Variants in PTPRT observed in about 807,000 individuals in gnomAD.
PTPRT encodes the protein protein tyrosine phosphatase receptor type T, also known as receptor-type tyrosine-protein phosphatase T.
PTPRT carries 56 observed loss-of-function variants against 176.8 expected under a neutral mutation model. The observed-to-expected ratio is 0.32, with a 90% confidence interval of 0.26 to 0.40. The LOEUF (loss-of-function observed/expected upper bound fraction) is 0.40, where lower values mean the gene tolerates loss of function less well. Ranked by LOEUF, PTPRT falls within the 10% of genes least tolerant of loss-of-function variation. The pLI is 1.00. For synonymous variants in PTPRT, 783 were observed against 739.0 expected (o/e 1.06, Z -0.96); for missense variants, 1,540 against 1,908.2 (o/e 0.81, Z 3.60).
At chr20:42,681,136 C>A (rs571983309) in intron 6 of PTPRT, among the ~76,000 whole-genome samples, 1 of 152,292 alleles carries the variant, frequency 6.6e-6, no homozygotes, top group East Asian at 1.9e-4. Context: ...TTTTGGTAAG[C>A]AGCACATTAT....
chr20:42,804,671 G>A (rs995376436), intron 2 of PTPRT, among the ~76,000 whole-genome samples: 1 of 152,240 alleles, frequency 6.6e-6, no homozygotes, highest in Non-Finnish European at 1.5e-5. Context: ...CAAGGTGTCA[G>A]CAGGGTTGGT....
intron 1 of PTPRT, among the ~76,000 whole-genome samples, chr20:42,961,196 A>G (rs1217378054): frequency 6.6e-6 from 1 of 152,236 alleles, no homozygotes; most frequent in East Asian, 1.9e-4. Flanking sequence ...GAAGATTTTA[A>G]TGCTGTAAGG....
At chr20:42,361,363 A>T (rs1004107412) in intron 9 of PTPRT, among the ~76,000 whole-genome samples, 1 of 152,184 alleles carries the variant, frequency 6.6e-6, no homozygotes, top group African/African-American at 2.4e-5. Context: ...AAAATAGCCC[A>T]TATCCTTTGA....
chr20:43,150,212 T>C (rs993409298), intron 1 of PTPRT, among the ~76,000 whole-genome samples: 2 of 152,172 alleles, frequency 1.3e-5, no homozygotes, highest in African/African-American at 4.8e-5. Context: ...GCTCCCTAGG[T>C]AGCCACACTC....
chr20:42,769,729 T>A (rs2077035326), intron 5 of PTPRT, among the ~76,000 whole-genome samples: 1 of 152,194 alleles, frequency 6.6e-6, no homozygotes, highest in African/African-American at 2.4e-5. Context: ...ACCCAACAGG[T>A]ATCCATCAAC....
At chr20:42,373,243 C>A (rs144260410) in intron 9 of PTPRT, among the ~76,000 whole-genome samples, 2 of 152,162 alleles carry the variant, frequency 1.3e-5, no homozygotes, top group South Asian at 4.1e-4. Flanking sequence ...GGTCATGGAA[C>A]TAATGGTATG....
chr20:42,681,222 T>C (rs574427727), intron 6 of PTPRT, among the ~76,000 whole-genome samples: 6 of 152,252 alleles, frequency 3.9e-5, no homozygotes, highest in Non-Finnish European at 5.9e-5. Context: ...AAGAAGACAG[T>C]ATAGGAAATG....
chr20:43,142,597 A>G lies in PTPRT; in HGVS notation c.88+47049T>C, dbSNP rs1162143418. Among the ~76,000 whole-genome samples the G allele has an allele frequency of 2.9e-5, 4 of 137,080 alleles. No individual in the cohort carries two copies. The Admixed American group carries it at 2.9e-4, about 10-fold the overall frequency. 89.9% of individuals were successfully genotyped at this position (137,080 alleles called of 152,430 possible). On this transcript the variant is annotated intron_variant, in intron 1 of 30. Transcript: ENST00000373187. ...AGGAAAAAACCATCCCCCATCACATATATTTCAAGGTAAATAACAAGAGCT... is the reference window on the plus strand; with the variant it reads ...AGGAAAAAACCATCCCCCATCACATGTATTTCAAGGTAAATAACAAGAGCT...
Position 42,226,358 on chromosome 20 carries a change from G to T in PTPRT, c.2342+9871C>A, listed in dbSNP as rs182106520. Among the ~76,000 whole-genome samples the T allele has an allele frequency of 3.5e-3, 528 of 152,302 alleles. 4 individuals are homozygous for T. Among genetic ancestry groups the T allele is most frequent in the Non-Finnish European group, 4.8e-3 (324 of 68,030 alleles). On this transcript the variant is annotated intron_variant, in intron 15 of 30. Transcript: ENST00000373187. Reference sequence around the variant, plus strand: ...AATTAAGTGAGTTATCTAAAACTGTGGAGCCAGGAAGCTCAGGGCTTTTTC... The same window carrying T: ...AATTAAGTGAGTTATCTAAAACTGTTGAGCCAGGAAGCTCAGGGCTTTTTC...
chr20:42,471,458 C>T (rs967011352), intron 8 of PTPRT, among the ~76,000 whole-genome samples: 1 of 152,142 alleles, frequency 6.6e-6, no homozygotes, highest in African/African-American at 2.4e-5. Context: ...ATCTTTTGCG[C>T]CTGCTTTGGC....
intron 2 of PTPRT, among the ~76,000 whole-genome samples, chr20:42,831,858 AT>A (rs2078094843): frequency 6.6e-6 from 1 of 152,268 alleles, no homozygotes; most frequent in Non-Finnish European, 1.5e-5. Context: ...AATGGCTATT[AT>A]TAAAAGTCAA....
intron 1 of PTPRT, among the ~76,000 whole-genome samples, chr20:43,135,477 T>C (rs2013801745): frequency 6.6e-6 from 1 of 152,192 alleles, no homozygotes; most frequent in Admixed American, 6.5e-5. Context: ...AGTCAAAATA[T>C]TCACATTGAT....
At chr20:42,827,095 T>G (rs549006060) in intron 2 of PTPRT, among the ~76,000 whole-genome samples, 141 of 152,170 alleles carry the variant, frequency 9.3e-4, no homozygotes, top group Admixed American at 3.3e-3. Context: ...GATTTCAAGT[T>G]CCACACAATA....
intron 7 of PTPRT, among the ~76,000 whole-genome samples, chr20:42,479,312 T>C (rs2071341862): frequency 6.6e-6 from 1 of 152,246 alleles, no homozygotes; most frequent in Non-Finnish European, 1.5e-5. Flanking sequence ...TGGAGGTGGA[T>C]AGCTTGTATG....
At chr20:42,292,958 C>A (rs999247795) in intron 12 of PTPRT, among the ~76,000 whole-genome samples, 10 of 152,294 alleles carry the variant, frequency 6.6e-5, no homozygotes, top group African/African-American at 2.4e-4. Flanking sequence ...ATTCTGCAGA[C>A]CCTCAGTAAC....
chr20:42,989,176 G>C (rs1052224271), intron 1 of PTPRT, among the ~76,000 whole-genome samples: 2 of 152,250 alleles, frequency 1.3e-5, no homozygotes, highest in African/African-American at 4.8e-5. Context: ...GTGGTACTGA[G>C]TAAAGGGCTG....
chr20:42,571,998 G>A (rs1383372447), intron 7 of PTPRT, among the ~76,000 whole-genome samples: 2 of 152,154 alleles, frequency 1.3e-5, no homozygotes, highest in Non-Finnish European at 2.9e-5. Context: ...ACCATAGACA[G>A]GGTAATTTAT....
At chr20:42,442,769 A>T (rs2059328196) in intron 9 of PTPRT, among the ~76,000 whole-genome samples, 1 of 152,218 alleles carries the variant, frequency 6.6e-6, no homozygotes, top group Non-Finnish European at 1.5e-5. Context: ...CATATTGATT[A>T]CTGTTTTCCA....
chr20:42,852,534 T>G (rs2078493123), intron 2 of PTPRT, among the ~76,000 whole-genome samples: 1 of 152,188 alleles, frequency 6.6e-6, no homozygotes, highest in South Asian at 2.1e-4. Flanking sequence ...TGATGCCTCC[T>G]TCATATATTT....
Sources: gnomAD v4.1 joint callset for allele counts (sites outside exome capture counted in the v4.1 genomes callset) on GRCh38, gnomAD v4.1.1 for gene constraint, MANE v1.5 for transcripts, NCBI Gene and HGNC (gene_info 2026-07-23, HGNC 2026-07-21) for gene names.